Variants in NARS2 observed in about 807,000 individuals in gnomAD.
The protein encoded by NARS2 is asparaginyl-tRNA synthetase.
NARS2 carries 60 observed loss-of-function variants against 62.9 expected under a neutral mutation model. The ratio of observed to expected loss-of-function variants is 0.95; its 90% CI spans 0.77 to 1.18. The LOEUF is 1.18. NARS2 is among the 50% of genes most tolerant of loss of function. NARS2 has a pLI of 0.00. For synonymous variants in NARS2, 196 were observed against 200.0 expected (o/e 0.98, Z 0.17); for missense variants, 619 against 576.4 (o/e 1.07, Z -0.76).
At chr11:78,438,061 T>C (rs1260612202) in intron 13 of NARS2, among the ~76,000 whole-genome samples, 2 of 151,654 alleles carry the variant, frequency 1.3e-5, no homozygotes, top group East Asian at 1.9e-4. Flanking sequence ...ATCAGTTCTA[T>C]AATAAGACGT....
chr11:78,495,504 A>G (rs553601220), intron 6 of NARS2, among the ~76,000 whole-genome samples: 1 of 152,294 alleles, frequency 6.6e-6, no homozygotes, highest in South Asian at 2.1e-4. Context: ...GTAACTATCT[A>G]AGTTATTTTT....
At chr11:78,557,168 G>A (rs1209585902) in intron 5 of NARS2, among the ~76,000 whole-genome samples, 45 of 152,204 alleles carry the variant, frequency 3.0e-4, no homozygotes, top group Admixed American at 2.9e-3. Flanking sequence ...TATTAGAAGT[G>A]CATGTTCTTA....
intron 11 of NARS2, among the ~76,000 whole-genome samples, chr11:78,454,688 G>A (rs1858093543): frequency 6.6e-6 from 1 of 150,858 alleles, no homozygotes; most frequent in East Asian, 1.9e-4. Context: ...GCGTGATCTC[G>A]GCTCACTGCA....
At chr11:78,569,052 T>G (rs984755269) in intron 2 of NARS2, among the ~76,000 whole-genome samples, 1 of 152,182 alleles carries the variant, frequency 6.6e-6, no homozygotes, top group African/African-American at 2.4e-5. Context: ...TTTTAAAAGA[T>G]TACAGAATAC....
chr11:78,463,801 C>G (rs749158826), intron 11 of NARS2, among the ~76,000 whole-genome samples: 3 of 148,948 alleles, frequency 2.0e-5, no homozygotes, highest in Admixed American at 2.0e-4. Flanking sequence ...AAGAGACGGT[C>G]AGACAAGAGC....
intron 4 of NARS2, among the ~76,000 whole-genome samples, chr11:78,563,683 T>C (rs1350598363): frequency 6.8e-6 from 1 of 148,066 alleles, no homozygotes; most frequent in Non-Finnish European, 1.5e-5. Context: ...ATACAAAAAT[T>C]AGCTGGGTGT....
At chr11:78,511,641 C>T (rs1417929683) in intron 6 of NARS2, among the ~76,000 whole-genome samples, 1 of 152,034 alleles carries the variant, frequency 6.6e-6, no homozygotes, top group East Asian at 1.9e-4. Context: ...GGCGTGAATC[C>T]CGGAGGCGGA....
At chr11:78,492,353 G>A (rs557727497) in intron 7 of NARS2, among the ~76,000 whole-genome samples, 1 of 152,142 alleles carries the variant, frequency 6.6e-6, no homozygotes, top group East Asian at 1.9e-4. Context: ...CTCCTAACAA[G>A]GCCTCTCTAC....
intron 4 of NARS2, among the ~76,000 whole-genome samples, chr11:78,563,419 T>C (rs181641769): frequency 1.9e-4 from 29 of 151,958 alleles, no homozygotes; most frequent in African/African-American, 6.0e-4. Context: ...GGTATCACCA[T>C]GTTGGCCAGG....
intron 5 of NARS2, among the ~76,000 whole-genome samples, chr11:78,537,351 A>G (rs11237537): frequency 0.74 from 112,907 of 152,092 alleles, 42,421 homozygotes; most frequent in Non-Finnish European, 0.82. Flanking sequence ...CAGAGTACAG[A>G]TAGTACCAGG....
At chr11:78,513,833 T>TG (rs1409096212) in intron 6 of NARS2, among the ~76,000 whole-genome samples, 2 of 152,008 alleles carry the variant, frequency 1.3e-5, no homozygotes, top group Non-Finnish European at 1.5e-5. Flanking sequence ...ATGCTGGAGG[T>TG]GGGGCCTTGT....
rs77200013 is a variant in NARS2 at position 78,550,432 on chromosome 11, T to C, written c.594+9107A>G. On this transcript the variant is annotated intron_variant, in intron 5 of 13. Transcript: ENST00000281038. The stretch of plus-strand genomic sequence containing the variant: ...CCTCAGGTCAGCTCATCAGAATACA[T>C]TCTATTTTACAGAATGAAGCGTTAG... 3.3e-3 allele frequency among the ~76,000 whole-genome samples: 509 copies of C among 152,332 alleles called. 7 individuals carry two copies. Among genetic ancestry groups the C allele is most frequent in the East Asian group, 0.014 (73 of 5,184 alleles).
chr11:78,570,035 A>G (rs2135543887), intron 2 of NARS2, among the ~76,000 whole-genome samples: 1 of 152,218 alleles, frequency 6.6e-6, no homozygotes, highest in African/African-American at 2.4e-5. Flanking sequence ...CTAAAAATAC[A>G]AAAAATTAGT....
At chr11:78,503,383 G>A (rs1344207128) in intron 6 of NARS2, among the ~76,000 whole-genome samples, 3 of 151,998 alleles carry the variant, frequency 2.0e-5, no homozygotes. Flanking sequence ...GACTACAGGC[G>A]CGTGCCACCA....
chr11:78,438,287 T>G (rs966998843), intron 13 of NARS2, among the ~76,000 whole-genome samples: 2 of 152,140 alleles, frequency 1.3e-5, no homozygotes, highest in Non-Finnish European at 2.9e-5. Flanking sequence ...AAACTTCAGA[T>G]TAGTAATAAC....
chr11:78,478,330 C>T (rs1384276283), intron 9 of NARS2, 108 bp downstream of exon 9: 1 of 367,936 alleles, frequency 2.7e-6, no homozygotes, highest in Non-Finnish European at 4.6e-6. Flanking sequence ...TATATATATC[C>T]TATATATATA....
intron 5 of NARS2, chr11:78,555,350 T>C (rs1856310749): frequency 6.6e-6 from 1 of 152,192 alleles, no homozygotes; most frequent in East Asian, 1.9e-4. Flanking sequence ...TATGAATCCA[T>C]CAGGTCCTGG....
At chr11:78,438,214 T>G (rs903749501) in intron 13 of NARS2, among the ~76,000 whole-genome samples, 15 of 152,098 alleles carry the variant, frequency 9.9e-5, no homozygotes, top group African/African-American at 3.6e-4. Context: ...AAGGAAAAGA[T>G]TAACTCCAAA....
chr11:78,541,225 G>T (rs954686091), intron 5 of NARS2, among the ~76,000 whole-genome samples: 2 of 152,092 alleles, frequency 1.3e-5, no homozygotes, highest in Non-Finnish European at 2.9e-5. Flanking sequence ...AATGTTAAAT[G>T]TCAAATGTTA....
Sources: gnomAD v4.1 joint callset for allele counts (sites outside exome capture counted in the v4.1 genomes callset) on GRCh38, gnomAD v4.1.1 for gene constraint, MANE v1.5 for transcripts, NCBI Gene and HGNC (gene_info 2026-07-23, HGNC 2026-07-21) for gene names.